DCUN1D5: variants seen among roughly 807,000 people sequenced by gnomAD.
DCUN1D5 encodes the protein DCN1-like protein 5.
DCUN1D5 carries 10 observed loss-of-function variants against 38.3 expected under a neutral mutation model. The ratio of observed to expected loss-of-function variants is 0.26; its 90% CI spans 0.16 to 0.44. DCUN1D5 has a LOEUF of 0.44. Ranked by LOEUF, DCUN1D5 falls within the 20% of genes least tolerant of loss-of-function variation. The pLI, the probability that DCUN1D5 is intolerant of heterozygous loss-of-function variation, is 1.00. For missense variants in DCUN1D5, 148 were observed against 275.3 expected, an observed-to-expected ratio of 0.54 and a Z score of 3.27; for synonymous variants, 93 against 90.9, an observed-to-expected ratio of 1.02 and a Z score of -0.13.
Position 103,071,446 on chromosome 11 carries a change from A to C in DCUN1D5, c.342-4879T>G, listed in dbSNP as rs1166132909. Among the ~76,000 whole-genome samples, 2 of 151,594 alleles carry C rather than the reference A, an allele frequency of 1.3e-5. No individual in the cohort carries two copies. Among genetic ancestry groups the C allele is most frequent in the African/African-American group, 4.8e-5 (2 of 41,366 alleles). On this transcript the variant is annotated intron_variant, in intron 4 of 7. Transcript: ENST00000260247. The surrounding 1 kb of genome is among the most constrained non-coding windows in gnomAD (Gnocchi z 4.1). ...ACAATGAACAACTCTCTACACACACAAATTTTTCTACACATATAAAGATTT... is the reference window on the plus strand; with the variant it reads ...ACAATGAACAACTCTCTACACACACCAATTTTTCTACACATATAAAGATTT...
In DCUN1D5 at chr11:103,052,130, A is replaced by G. The variant is rs1184274533; in HGVS notation, c.*10229T>C. ...TGTGAGACTGCTCCAGTACTACTTA[A>G]ACGTAAGTTTTATTCAGTTCTGCAA... is the stretch of plus-strand genomic sequence containing the variant. On this transcript the variant is annotated 3_prime_UTR_variant, in exon 8 of 8. Coordinates refer to ENST00000260247, the MANE Select transcript of DCUN1D5 (RefSeq NM_032299.4). The G allele has an allele frequency of 6.6e-6, 1 of 152,188 alleles. No homozygotes were observed. Among genetic ancestry groups the G allele is most frequent in the African/African-American group, 2.4e-5 (1 of 41,452 alleles). 9.4% of individuals were successfully genotyped at this position (152,188 alleles called of 1,614,324 possible). A position where few individuals can be genotyped will look rare whatever the true frequency, so the allele number is the denominator to read the frequency against.
rs1353052870 is a variant in DCUN1D5 at position 103,073,128 on chromosome 11, T to C, written c.342-6561A>G. 6.6e-6 allele frequency among the ~76,000 whole-genome samples: 1 copy of C among 152,148 alleles called. No homozygotes were observed. The highest frequency in any genetic ancestry group is 2.4e-5 in the African/African-American group (1 of 41,424). On this transcript the variant is annotated intron_variant, in intron 4 of 7. Coordinates refer to ENST00000260247, the MANE Select transcript of DCUN1D5 (RefSeq NM_032299.4). This position sits in a 1 kb window ranked among gnomAD's most constrained non-coding sequence, Gnocchi z 4.2. Reference sequence around the variant, plus strand: ...GTGGACACTAAAATGTAAAATACCATTTACAACAGGTTGAAGTAAAAATAA... The same window carrying C: ...GTGGACACTAAAATGTAAAATACCACTTACAACAGGTTGAAGTAAAAATAA...
At chr11:103,072,219 C>CA (rs947478049) in intron 4 of DCUN1D5, among the ~76,000 whole-genome samples, 3 of 151,064 alleles carry the variant, frequency 2.0e-5, no homozygotes, top group Admixed American at 1.3e-4. Flanking sequence ...TGTAATAAGT[C>CA]AAAAAAAAGA....
At position 103,055,809 on chromosome 11, in the gene DCUN1D5, C is replaced by T. The variant is rs1037135222; in HGVS notation, c.*6550G>A. Reference sequence around the variant, plus strand: ...CAAATATATTTATCTCCAGCCCAGACCTCTACTTTTCCAGGTTCAAATATC... The same window carrying T: ...CAAATATATTTATCTCCAGCCCAGATCTCTACTTTTCCAGGTTCAAATATC... On this transcript the variant is annotated 3_prime_UTR_variant, in exon 8 of 8. Transcript: ENST00000260247. 3.4e-4 allele frequency: 52 copies of T among 152,128 alleles called. No individual in the cohort carries two copies. Among genetic ancestry groups the T allele is most frequent in the African/African-American group, 1.2e-3 (51 of 41,410 alleles). The allele number at this position is 152,128 out of a possible 1,614,324, so 9.4% of individuals were successfully genotyped here.
Position 103,061,933 on chromosome 11 carries a change from A to G in DCUN1D5, c.*426T>C, listed in dbSNP as rs1862021365. On this transcript the variant is annotated 3_prime_UTR_variant, in exon 8 of 8. Transcript: ENST00000260247. ...TGCAGAGATGACTATAATGAGCCAT[A>G]CCATCAGCAGACTATGTTGCCAAAT... The G allele has an allele frequency of 6.3e-6, 1 of 158,520 alleles. No individual in the cohort carries two copies. The highest frequency in any genetic ancestry group is 1.9e-4 in the South Asian group (1 of 5,292). 9.8% of individuals were successfully genotyped at this position (158,520 alleles called of 1,614,324 possible). A position where few individuals can be genotyped will look rare whatever the true frequency, so the allele number is the denominator to read the frequency against.
chr11:103,062,972 A>G lies in DCUN1D5; in HGVS notation c.659-558T>C, dbSNP rs1305588961. On this transcript the variant is annotated intron_variant, in intron 7 of 7. Coordinates refer to ENST00000260247, the MANE Select transcript of DCUN1D5 (RefSeq NM_032299.4). This position sits in a 1 kb window ranked among gnomAD's most constrained non-coding sequence, Gnocchi z 4.6. The stretch of plus-strand genomic sequence containing the variant: ...CATTTGCTGACAGAGCCAAGTAGGC[A>G]GTTTAAATGAGCTCAGTGTTTATTT... Among the ~76,000 whole-genome samples, 1 of 152,158 alleles carries G rather than the reference A, an allele frequency of 6.6e-6. No homozygotes were observed. Among genetic ancestry groups the G allele is most frequent in the Non-Finnish European group, 1.5e-5 (1 of 67,984 alleles).
At chr11:103,070,257 T>G (rs1862238911) in intron 4 of DCUN1D5, among the ~76,000 whole-genome samples, 1 of 151,928 alleles carries the variant, frequency 6.6e-6, no homozygotes, top group Non-Finnish European at 1.5e-5. Context: ...AATACACCAA[T>G]AAGACAGAGT....
At chr11:103,079,500 G>A (rs1466843998) in intron 4 of DCUN1D5, among the ~76,000 whole-genome samples, 1 of 152,180 alleles carries the variant, frequency 6.6e-6, no homozygotes, top group Admixed American at 6.5e-5. Context: ...GGAGGCCAAG[G>A]CTAGAGGATC....
chr11:103,066,486 G>C lies in DCUN1D5; in HGVS notation c.423C>G (p.Ile141Met), dbSNP rs370827697. 3 of 1,610,610 alleles carry C rather than the reference G, an allele frequency of 1.9e-6. No homozygotes were observed. In the African/African-American group the frequency reaches 4.0e-5, roughly 22 times the overall value. The part of the protein sequence containing the change: ...QLNDISSFKN[I>M]YRYAFDFARD... ...TTGCAAAATCAAAGGCATATCTGTAGATATTCTTAAATGACGAAATATCAT... is the reference window on the plus strand; with the variant it reads ...TTGCAAAATCAAAGGCATATCTGTACATATTCTTAAATGACGAAATATCAT... Residue 141 changes from isoleucine to methionine, a missense_variant, in exon 5 of 8, where the codon ATC becomes ATG. Transcript: ENST00000260247. The surrounding 1 kb of genome is among the most constrained non-coding windows in gnomAD (Gnocchi z 4.7).
In DCUN1D5 at chr11:103,078,153, T is replaced by C. The variant is rs1862456934; in HGVS notation, c.341+4595A>G. Among the ~76,000 whole-genome samples the C allele has an allele frequency of 1.3e-5, 2 of 152,226 alleles. No individual in the cohort carries two copies. Among genetic ancestry groups the C allele is most frequent in the South Asian group, 2.1e-4 (1 of 4,832 alleles). ...ACCTACCGGCAGGCAGCTTAATTAC[T>C]ATCACTGTTGTCAGATGCTCTTGTC... On this transcript the variant is annotated intron_variant, in intron 4 of 7. Transcript: ENST00000260247. This position sits in a 1 kb window ranked among gnomAD's most constrained non-coding sequence, Gnocchi z 4.6.
chr11:103,063,209 A>G lies in DCUN1D5; in HGVS notation c.659-795T>C, dbSNP rs1862055076. Among the ~76,000 whole-genome samples the G allele has an allele frequency of 6.6e-6, 1 of 152,154 alleles. No homozygotes were observed. Among genetic ancestry groups the G allele is most frequent in the Non-Finnish European group, 1.5e-5 (1 of 68,010 alleles). ...CCATGAACTGTCAAACTGAAAAGCAAGTCCAACACAGTTAACACTTGACTC... is the reference window on the plus strand; with the variant it reads ...CCATGAACTGTCAAACTGAAAAGCAGGTCCAACACAGTTAACACTTGACTC... On this transcript the variant is annotated intron_variant, in intron 7 of 7. Transcript: ENST00000260247. The surrounding 1 kb of genome is among the most constrained non-coding windows in gnomAD (Gnocchi z 4.6).
At chr11:103,084,611 G>C (rs1862651270) in intron 2 of DCUN1D5, among the ~76,000 whole-genome samples, 2 of 152,104 alleles carry the variant, frequency 1.3e-5, no homozygotes. Flanking sequence ...AACTTAAAAG[G>C]CATACATATA....
rs1312367957 is a variant in DCUN1D5, at chr11:103,056,776, G to A, written c.*5583C>T. On this transcript the variant is annotated 3_prime_UTR_variant, in exon 8 of 8. Transcript: ENST00000260247. The surrounding 1 kb of genome is among the most constrained non-coding windows in gnomAD (Gnocchi z 4.9). ...ATTATAAAAATGGCAGGATAACACAGGAAATCCTAGCTATTTCTTTTTATA... is the reference window on the plus strand; with the variant it reads ...ATTATAAAAATGGCAGGATAACACAAGAAATCCTAGCTATTTCTTTTTATA... Among the ~76,000 whole-genome samples, 1 of 152,026 alleles carries A rather than the reference G, an allele frequency of 6.6e-6. No homozygotes were observed. The highest frequency in any genetic ancestry group is 2.4e-5 in the African/African-American group (1 of 41,398).
chr11:103,058,937 C>T lies in DCUN1D5; in HGVS notation c.*3422G>A. Among the ~76,000 whole-genome samples the T allele has an allele frequency of 6.7e-6, 1 of 148,942 alleles. No individual in the cohort carries two copies. The highest frequency in any genetic ancestry group is 2.5e-5 in the African/African-American group (1 of 40,744). On this transcript the variant is annotated 3_prime_UTR_variant, in exon 8 of 8. Transcript: ENST00000260247. ...TTTATTTTTTATTTTTGGCCTTTTG[C>T]TTTAACAAAGAAAGGCATTTAGTTT...
At chr11:103,080,311 T>C (rs565674373) in intron 4 of DCUN1D5, among the ~76,000 whole-genome samples, 10 of 152,336 alleles carry the variant, frequency 6.6e-5, no homozygotes, top group Non-Finnish European at 1.3e-4. Context: ...TATTTTAAGA[T>C]TATGTTTATT....
rs890260195 is a variant in DCUN1D5 at position 103,065,233 on chromosome 11, C to A, written c.556-856G>T. 4.0e-5 allele frequency among the ~76,000 whole-genome samples: 6 copies of A among 151,784 alleles called. No individual in the cohort carries two copies. The highest frequency in any genetic ancestry group is 7.4e-5 in the Non-Finnish European group (5 of 67,978). On this transcript the variant is annotated intron_variant, in intron 6 of 7. Coordinates refer to ENST00000260247, the MANE Select transcript of DCUN1D5 (RefSeq NM_032299.4). The surrounding 1 kb of genome is among the most constrained non-coding windows in gnomAD (Gnocchi z 4.6). ...GTGGTGCAATCTCAGCTTACTGCAA[C>A]CTCCACCTCCCTGGTTCAAGCAATT...
At chr11:103,074,326 G>C (rs1862354280) in intron 4 of DCUN1D5, among the ~76,000 whole-genome samples, 1 of 152,126 alleles carries the variant, frequency 6.6e-6, no homozygotes. Flanking sequence ...CTGCCTCTCT[G>C]CACTAATCTC....
chr11:103,068,850 AAG>A (rs935822316), intron 4 of DCUN1D5, among the ~76,000 whole-genome samples: 10 of 151,926 alleles, frequency 6.6e-5, no homozygotes, highest in East Asian at 5.8e-4. Context: ...AAAAAAAAAA[AAG>A]ATCTTACAGT....
Position 103,092,074 on chromosome 11 carries a change from T to C in DCUN1D5, c.-202A>G, listed in dbSNP as rs896850307. 3 of 571,356 alleles carry C rather than the reference T, an allele frequency of 5.3e-6. No homozygotes were observed. The highest frequency in any genetic ancestry group is 9.3e-6 in the Non-Finnish European group (3 of 323,086). 35.4% of individuals were successfully genotyped at this position (571,356 alleles called of 1,614,324 possible). On this transcript the variant is annotated 5_prime_UTR_variant, in exon 1 of 8. Transcript: ENST00000260247. Reference sequence around the variant, plus strand: ...CGTCTTTCTCTGACCGGGACAGGGCTGGCTCCTCGCCGGTGGACACTGCGG... The same window carrying C: ...CGTCTTTCTCTGACCGGGACAGGGCCGGCTCCTCGCCGGTGGACACTGCGG...
Sources: gnomAD v4.1 joint callset for allele counts (sites outside exome capture counted in the v4.1 genomes callset) on GRCh38, gnomAD v4.1.1 for gene constraint, Gnocchi (gnomAD v3.1) non-coding constraint, MANE v1.5 for transcripts, NCBI Gene and HGNC (gene_info 2026-07-23, HGNC 2026-07-21) for gene names.